TMEM45B: variants seen among roughly 807,000 people sequenced by gnomAD.
TMEM45B encodes the protein transmembrane protein 45B.
TMEM45B carries 29 observed loss-of-function variants against 27.3 expected under a neutral mutation model. That is an observed-to-expected ratio of 1.06 (90% CI 0.79 to 1.45). The LOEUF is 1.45. Ranked by LOEUF, TMEM45B falls within the 40% of genes most tolerant of loss-of-function variation. The pLI, the probability that TMEM45B is intolerant of heterozygous loss-of-function variation, is 0.00. For missense variants in TMEM45B, 348 were observed against 343.9 expected, an observed-to-expected ratio of 1.01 and a Z score of -0.09; for synonymous variants, 143 against 134.7, an observed-to-expected ratio of 1.06 and a Z score of -0.43.
chr11:129,849,519 C>G (rs796624330), intron 1 of TMEM45B, among the ~76,000 whole-genome samples: 1 of 152,222 alleles, frequency 6.6e-6, no homozygotes, highest in South Asian at 2.1e-4. Context: ...TGCAGTGGCT[C>G]CACCCCGGTG....
At chr11:129,853,418 CT>C (rs1389701077) in intron 2 of TMEM45B, among the ~76,000 whole-genome samples, 5 of 152,236 alleles carry the variant, frequency 3.3e-5, no homozygotes, top group African/African-American at 1.2e-4. Context: ...AACATCGCTT[CT>C]CTTGGAGGAA....
chr11:129,825,601 A>G (rs2135556373), intron 1 of TMEM45B, among the ~76,000 whole-genome samples: 1 of 151,724 alleles, frequency 6.6e-6, no homozygotes, highest in South Asian at 2.1e-4. Flanking sequence ...TGTGCGTGAG[A>G]GTTCTTGCAA....
intron 1 of TMEM45B, among the ~76,000 whole-genome samples, chr11:129,848,071 G>A (rs1209573450): frequency 1.3e-5 from 2 of 150,998 alleles, no homozygotes; most frequent in Non-Finnish European, 1.5e-5. Flanking sequence ...CATCCCAGAC[G>A]ATGGGCGGCC....
chr11:129,840,175 T>G (rs1409895483), intron 1 of TMEM45B, among the ~76,000 whole-genome samples: 1 of 152,146 alleles, frequency 6.6e-6, no homozygotes, highest in Admixed American at 6.5e-5. Flanking sequence ...ACTAATCCAT[T>G]AATTTGTTAT....
intron 1 of TMEM45B, among the ~76,000 whole-genome samples, chr11:129,840,946 TA>T (rs55905045): frequency 0.023 from 665 of 29,252 alleles, 6 homozygotes; most frequent in African/African-American, 0.066. Context: ...TTTCTTTCTG[TA>T]AAAAAAAAAA....
intron 1 of TMEM45B, among the ~76,000 whole-genome samples, chr11:129,845,173 A>C (rs1182495554): frequency 6.6e-6 from 1 of 152,186 alleles, no homozygotes; most frequent in African/African-American, 2.4e-5. Context: ...TGATATGTAC[A>C]TATATGTGTA....
intron 5 of TMEM45B, among the ~76,000 whole-genome samples, chr11:129,857,709 A>G (rs1257467858): frequency 1.3e-5 from 2 of 152,192 alleles, no homozygotes; most frequent in Non-Finnish European, 2.9e-5. Context: ...CACAGATTTT[A>G]AGCCTATGGT....
intron 1 of TMEM45B, among the ~76,000 whole-genome samples, chr11:129,816,871 A>G (rs1434371852): frequency 6.0e-5 from 9 of 150,174 alleles, no homozygotes; most frequent in South Asian, 2.1e-4. Context: ...CCGAGTAGCT[A>G]GGACTACTGG....
intron 1 of TMEM45B, among the ~76,000 whole-genome samples, chr11:129,830,327 CA>C (rs1273399052): frequency 6.6e-6 from 1 of 151,978 alleles, no homozygotes; most frequent in African/African-American, 2.4e-5. Context: ...AATTCAGTCT[CA>C]AAAAATAAAT....
intron 1 of TMEM45B, among the ~76,000 whole-genome samples, chr11:129,822,663 T>C (rs1301000253): frequency 1.3e-5 from 2 of 152,142 alleles, no homozygotes; most frequent in Non-Finnish European, 2.9e-5. Context: ...GGATTCAAAA[T>C]GGGAAATGTG....
At chr11:129,837,908 A>G (rs1733454) in intron 1 of TMEM45B, among the ~76,000 whole-genome samples, 50,722 of 149,078 alleles carry the variant, frequency 0.34, 8,986 homozygotes, top group East Asian at 0.48. Context: ...CAGCCTCCCG[A>G]TTAGCTGGGA....
At chr11:129,847,407 A>AT (rs5795680) in intron 1 of TMEM45B, among the ~76,000 whole-genome samples, 7,520 of 67,858 alleles carry the variant, frequency 0.11, 631 homozygotes, top group African/African-American at 0.31. Flanking sequence ...TTATGAAGTT[A>AT]TTTTTTTTTA....
At chr11:129,854,944 T>C (rs931797016) in intron 3 of TMEM45B, 128 bp downstream of exon 3, 1 of 1,070,696 alleles carries the variant, frequency 9.3e-7, no homozygotes, top group African/African-American at 1.6e-5. Context: ...ATCTCTGGAC[T>C]GCCAAAACCT....
At chr11:129,820,244 G>A (rs1947402777) in intron 1 of TMEM45B, among the ~76,000 whole-genome samples, 3 of 152,046 alleles carry the variant, frequency 2.0e-5, no homozygotes, top group African/African-American at 7.2e-5. Flanking sequence ...GAACCCAGGA[G>A]GCAGAGGTTG....
At chr11:129,848,406 G>T (rs894827316) in intron 1 of TMEM45B, among the ~76,000 whole-genome samples, 662 of 144,448 alleles carry the variant, frequency 4.6e-3, no homozygotes, top group African/African-American at 0.015. Flanking sequence ...CCAGGCACTC[G>T]GCAGGCTGAG....
At position 129,831,974 on chromosome 11, in the gene TMEM45B, G is replaced by A. The variant is rs945745496; in HGVS notation, c.-9+16076G>A. Among the ~76,000 whole-genome samples the A allele has an allele frequency of 7.5e-5, 11 of 146,846 alleles. 1 individual carries two copies. The highest frequency in any genetic ancestry group is 6.5e-4 in the South Asian group (3 of 4,650). The stretch of plus-strand genomic sequence containing the variant: ...CCAGCTACTCAGGAGGCTGAGGCAG[G>A]AGAATCGCTTGAACCTGGGAGGTAG... On this transcript the variant is annotated intron_variant, in intron 1 of 5. Coordinates refer to ENST00000281441, the MANE Select transcript of TMEM45B (RefSeq NM_138788.5).
chr11:129,855,997 A>G, intron 4 of TMEM45B, 105 bp downstream of exon 4: 1 of 1,353,882 alleles, frequency 7.4e-7, no homozygotes, highest in Non-Finnish European at 1.0e-6. Flanking sequence ...AAAATGCAGC[A>G]TTAACATGCC....
chr11:129,824,664 C>CATAATATGTA (rs1203229385), intron 1 of TMEM45B, among the ~76,000 whole-genome samples: 1 of 152,188 alleles, frequency 6.6e-6, no homozygotes, highest in Admixed American at 6.5e-5. Flanking sequence ...ATGTATCAAG[C>CATAATATGTA]TTGTGCTAGT....
intron 1 of TMEM45B, among the ~76,000 whole-genome samples, chr11:129,836,035 T>C (rs938774507): frequency 1.1e-4 from 17 of 152,084 alleles, no homozygotes; most frequent in South Asian, 6.2e-4. Context: ...GGAGAATCAC[T>C]TGAAGCCAGG....
Sources: gnomAD v4.1 joint callset for allele counts (sites outside exome capture counted in the v4.1 genomes callset) on GRCh38, gnomAD v4.1.1 for gene constraint, MANE v1.5 for transcripts, NCBI Gene and HGNC (gene_info 2026-07-23, HGNC 2026-07-21) for gene names.